AHCYL2: variants seen among roughly 807,000 people sequenced by gnomAD.
AHCYL2 encodes the protein S-adenosylhomocysteine hydrolase-like protein 2.
Under a neutral mutation model 81.4 loss-of-function variants are expected in AHCYL2, and 28 were observed. The observed-to-expected ratio is 0.34, with a 90% CI of 0.25 to 0.47. The LOEUF is 0.47. Among genes scored for constraint, AHCYL2 ranks in the 20% least tolerant of loss-of-function variants. AHCYL2 has a pLI of 1.00. For synonymous variants in AHCYL2, 272 were observed against 290.2 expected, an observed-to-expected ratio of 0.94 and a Z score of 0.64; for missense variants, 551 against 785.1, an observed-to-expected ratio of 0.70 and a Z score of 3.56.
At chr7:129,305,670 G>A (rs1332483790) in intron 1 of AHCYL2, among the ~76,000 whole-genome samples, 1 of 152,060 alleles carries the variant, frequency 6.6e-6, no homozygotes. Flanking sequence ...GTGTTCTTCT[G>A]TGTACTATTA....
chr7:129,376,499 A>G (rs1254387408), intron 1 of AHCYL2, among the ~76,000 whole-genome samples: 1 of 152,252 alleles, frequency 6.6e-6, no homozygotes, highest in Non-Finnish European at 1.5e-5. Context: ...TTAGTATTAA[A>G]AGATAGCATG....
chr7:129,406,153 A>G lies in AHCYL2; in HGVS notation c.1207-225A>G, dbSNP rs1026684229. On this transcript the variant is annotated intron_variant, in intron 9 of 16. Transcript: ENST00000325006. The surrounding 1 kb of genome is among the most constrained non-coding windows in gnomAD (Gnocchi z 4.3). The stretch of plus-strand genomic sequence containing the variant: ...TTTTTAGCTTGTGTTTTAATTATGA[A>G]TCGTGAGTGTGGGTGTTCTTGTGCA... Among the ~76,000 whole-genome samples the G allele has an allele frequency of 6.6e-6, 1 of 152,074 alleles. No homozygotes were observed. The highest frequency in any genetic ancestry group is 1.5e-5 in the Non-Finnish European group (1 of 68,028).
intron 12 of AHCYL2, among the ~76,000 whole-genome samples, chr7:129,417,883 A>T (rs779285662): frequency 6.6e-6 from 1 of 152,252 alleles, no homozygotes; most frequent in African/African-American, 2.4e-5. Flanking sequence ...GAGACAAATA[A>T]TAAAGAAATA....
intron 1 of AHCYL2, among the ~76,000 whole-genome samples, chr7:129,362,607 T>G (rs941038235): frequency 2.8e-5 from 4 of 144,750 alleles, no homozygotes; most frequent in Non-Finnish European, 4.6e-5. Context: ...GTTTTTTTTT[T>G]TTTTTTTTTT....
At chr7:129,379,223 T>G (rs1400328209) in intron 1 of AHCYL2, among the ~76,000 whole-genome samples, 1 of 148,674 alleles carries the variant, frequency 6.7e-6, no homozygotes, top group Non-Finnish European at 1.5e-5. Flanking sequence ...GAGGTTGCAG[T>G]GAGCCGAGAT....
At chr7:129,389,377 C>G (rs181166021) in intron 3 of AHCYL2, among the ~76,000 whole-genome samples, 178 bp downstream of exon 3, 4 of 122,698 alleles carry the variant, frequency 3.3e-5, no homozygotes, top group Non-Finnish European at 3.4e-5. Flanking sequence ...TAGAAGGAAC[C>G]CTGTATTAAA....
At position 129,280,122 on chromosome 7, in the gene AHCYL2, A is replaced by G. The variant is rs532705385; in HGVS notation, c.363+54683A>G. On this transcript the variant is annotated intron_variant, in intron 1 of 16. Coordinates refer to ENST00000325006, the MANE Select transcript of AHCYL2 (RefSeq NM_015328.4). ...ATATGGTTGCTTTTTGCTAATATAC[A>G]GAAATATCAATTGACTTTTATAAAT... Among the ~76,000 whole-genome samples the G allele has an allele frequency of 4.5e-4, 68 of 150,724 alleles. 1 individual carries two copies. The highest frequency in any genetic ancestry group is 1.4e-3 in the African/African-American group (57 of 41,208).
chr7:129,247,051 CAT>C (rs1376068153), intron 1 of AHCYL2, among the ~76,000 whole-genome samples: 21 of 152,192 alleles, frequency 1.4e-4, no homozygotes, highest in African/African-American at 4.1e-4. Context: ...TTTTGGCAGA[CAT>C]ATATTTTCAT....
At chr7:129,322,119 G>C (rs1370408196) in intron 1 of AHCYL2, among the ~76,000 whole-genome samples, 3 of 151,400 alleles carry the variant, frequency 2.0e-5, no homozygotes, top group Non-Finnish European at 4.4e-5. Context: ...TTGTGTGTGT[G>C]TGTGTGTGTG....
rs144900551 is a variant in AHCYL2, at chr7:129,280,272, C to G, written c.363+54833C>G. On this transcript the variant is annotated intron_variant, in intron 1 of 16. Transcript: ENST00000325006. ...GCAACCTCTGCCTCCTTTGTTCAAG[C>G]AGTTCTTCTGCCTCAGCCTCCCTAG... 1.7e-4 allele frequency among the ~76,000 whole-genome samples: 26 copies of G among 150,384 alleles called. 1 individual carries two copies. In the East Asian group the frequency reaches 4.9e-3, roughly 28 times the overall value.
intron 1 of AHCYL2, among the ~76,000 whole-genome samples, chr7:129,306,258 C>A (rs1455988782): frequency 6.6e-6 from 1 of 152,014 alleles, no homozygotes; most frequent in Admixed American, 6.6e-5. Flanking sequence ...TAGATCTTGT[C>A]GGTGTGCTTT....
chr7:129,274,458 T>A (rs889157143), intron 1 of AHCYL2, among the ~76,000 whole-genome samples: 3 of 152,158 alleles, frequency 2.0e-5, no homozygotes, highest in Non-Finnish European at 4.4e-5. Flanking sequence ...GAGGGCCTTG[T>A]TGGGGCCAGA....
At chr7:129,369,190 CTATTA>C (rs2150856241) in intron 1 of AHCYL2, among the ~76,000 whole-genome samples, 1 of 147,846 alleles carries the variant, frequency 6.8e-6, no homozygotes, top group East Asian at 2.0e-4. Context: ...GCATATAAAC[CTATTA>C]TATTGGATCG....
rs914243682 is a variant in AHCYL2, at chr7:129,426,423, G to T, written c.1709-20G>T. The T allele has an allele frequency of 3.1e-6, 5 of 1,613,928 alleles. No individual in the cohort carries two copies. In the Admixed American group the frequency reaches 5.0e-5, roughly 16 times the overall value. On this transcript the variant is annotated intron_variant, in intron 15 of 16. Coordinates refer to ENST00000325006, the MANE Select transcript of AHCYL2 (RefSeq NM_015328.4). The surrounding 1 kb of genome is among the most constrained non-coding windows in gnomAD (Gnocchi z 4.3). ...AAAAGGCATGAATGCTTATACCAGGGCTTCTGTGGTCTGTTCCAGATGAGT... is the reference window on the plus strand; with the variant it reads ...AAAAGGCATGAATGCTTATACCAGGTCTTCTGTGGTCTGTTCCAGATGAGT...
intron 1 of AHCYL2, among the ~76,000 whole-genome samples, chr7:129,301,412 G>A (rs185761898): frequency 6.6e-6 from 1 of 152,212 alleles, no homozygotes; most frequent in African/African-American, 2.4e-5. Flanking sequence ...TGCTTGTGGG[G>A]TATTTACTCA....
chr7:129,254,818 G>C (rs1795356159), intron 1 of AHCYL2, among the ~76,000 whole-genome samples: 1 of 152,160 alleles, frequency 6.6e-6, no homozygotes, highest in Admixed American at 6.5e-5. Context: ...TAGGTCACAG[G>C]CTGTGATGGG....
intron 1 of AHCYL2, among the ~76,000 whole-genome samples, chr7:129,338,462 T>C (rs1793042217): frequency 6.6e-6 from 1 of 152,222 alleles, no homozygotes; most frequent in African/African-American, 2.4e-5. Flanking sequence ...GCCTACCTTA[T>C]AAATTTTGAT....
chr7:129,325,436 CT>C (rs1798188489), intron 1 of AHCYL2, among the ~76,000 whole-genome samples: 1 of 151,852 alleles, frequency 6.6e-6, no homozygotes, highest in African/African-American at 2.4e-5. Flanking sequence ...GTTTTTTCCC[CT>C]CTCGATGCTT....
At chr7:129,417,823 A>C (rs1796930157) in intron 12 of AHCYL2, among the ~76,000 whole-genome samples, 1 of 152,238 alleles carries the variant, frequency 6.6e-6, no homozygotes, top group South Asian at 2.1e-4. Context: ...TACTAAACAA[A>C]TGACAGTGAA....
Sources: gnomAD v4.1 joint callset for allele counts (sites outside exome capture counted in the v4.1 genomes callset) on GRCh38, gnomAD v4.1.1 for gene constraint, Gnocchi (gnomAD v3.1) non-coding constraint, MANE v1.5 for transcripts, NCBI Gene and HGNC (gene_info 2026-07-23, HGNC 2026-07-21) for gene names.